The following SPG7 variants were observed in gnomAD, a reference collection of about 807,000 sequenced individuals.
SPG7 encodes SPG7 matrix AAA peptidase subunit, paraplegin.
A neutral mutation model predicts 81.9 loss-of-function variants in SPG7; 103 were observed. The observed-to-expected ratio is 1.26, with a 90% CI of 1.07 to 1.48. The LOEUF (loss-of-function observed/expected upper bound fraction) is 1.48. SPG7 is among the 40% of genes most tolerant of loss of function. SPG7 has a pLI of 0.00. For synonymous variants in SPG7, 534 were observed against 444.2 expected (o/e 1.20, Z -2.54); for missense variants, 1,241 against 1,087.3 (o/e 1.14, Z -1.99).
Position 89,548,124 on chromosome 16 carries a change from C to A in SPG7, c.1663+11C>A. On this transcript the variant is annotated intron_variant, in intron 12 of 16. Coordinates refer to ENST00000645818, the MANE Select transcript of SPG7 (RefSeq NM_003119.4). ...AGCGCGTCCTCGCAGGTACAGGGGG[C>A]GCGCCCTGGGTGAAGGCCCTCCTTA... The A allele has an allele frequency of 6.3e-7, 1 of 1,586,384 alleles. No individual in the cohort carries two copies. The highest frequency in any genetic ancestry group is 8.6e-7 in the Non-Finnish European group (1 of 1,164,976).
Position 89,557,009 on chromosome 16 carries a change from G to A in SPG7, c.2304G>A (p.Arg768=). 6.2e-7 allele frequency: 1 copy of A among 1,613,778 alleles called. No individual in the cohort carries two copies. The change falls in exon 17 of 17, where the codon AGG becomes AGA. Residue 768 remains arginine, a synonymous_variant. Transcript: ENST00000645818. The part of the protein sequence containing the change: ...IAPQRWIDAQ[R]EKQDLGEEET... ...CGCAGAGGTGGATCGACGCCCAGAG[G>A]GAGAAACAGGACTTGGGCGAGGAGG...
intron 12 of SPG7, 58 bp downstream of exon 12, chr16:89,548,171 T>G: frequency 3.3e-6 from 4 of 1,199,758 alleles, no homozygotes; most frequent in African/African-American, 1.5e-5. Context: ...ACCCCAGAAA[T>G]ACCCAGGCAG....
At position 89,547,711 on chromosome 16, in the gene SPG7, C is replaced by T. The variant is rs181353519; in HGVS notation, c.1553-292C>T. 2.0e-3 allele frequency: 811 copies of T among 402,418 alleles called. 1 individual carries two copies. The Middle Eastern group carries it at 0.024, about 12-fold the overall frequency. 24.9% of individuals were successfully genotyped at this position (402,418 alleles called of 1,614,324 possible). A position where few individuals can be genotyped will look rare whatever the true frequency, so the allele number is the denominator to read the frequency against. ...CCCCGCAGCCTCCGCCTCCTGGGTTCAACCGATTTTCCTGCCTCAGCCTCC... is the reference window on the plus strand; with the variant it reads ...CCCCGCAGCCTCCGCCTCCTGGGTTTAACCGATTTTCCTGCCTCAGCCTCC... On this transcript the variant is annotated intron_variant, in intron 11 of 16. Coordinates refer to ENST00000645818, the MANE Select transcript of SPG7 (RefSeq NM_003119.4).
chr16:89,549,083 C>G (rs2058602806), intron 12 of SPG7: 1 of 456,324 alleles, frequency 2.2e-6, no homozygotes, highest in Non-Finnish European at 4.4e-6. Flanking sequence ...TCCGACAGCC[C>G]TGCGGGTCGA....
chr16:89,522,556 GGTCCGTGGCGCTGT>G (rs1438818010), intron 3 of SPG7: 1 of 152,276 alleles, frequency 6.6e-6, no homozygotes, highest in African/African-American at 2.4e-5. Context: ...CCCGCCGCTG[GGTCCGTGGCGCTGT>G]GTCCGCAGGC....
intron 13 of SPG7, chr16:89,551,087 A>T (rs2058629734): frequency 4.5e-6 from 1 of 224,002 alleles, no homozygotes; most frequent in Non-Finnish European, 9.2e-6. Flanking sequence ...ACAAAAAACT[A>T]CTCTTGTAGG....
At chr16:89,519,380 T>A (rs529692538) in intron 3 of SPG7, 69 of 149,730 alleles carry the variant, frequency 4.6e-4, no homozygotes, top group Middle Eastern at 3.4e-3. Context: ...GTTGCTAACA[T>A]TTTTTTTTTC....
intron 4 of SPG7, among the ~76,000 whole-genome samples, chr16:89,526,128 T>G (rs1287110562): frequency 6.6e-6 from 1 of 152,194 alleles, no homozygotes; most frequent in Non-Finnish European, 1.5e-5. Context: ...AGTGTGCATA[T>G]TGCTTTTACA....
chr16:89,536,731 G>T (rs370406893), intron 9 of SPG7: 5 of 1,612,480 alleles, frequency 3.1e-6, no homozygotes, highest in Non-Finnish European at 4.2e-6. Flanking sequence ...CAAGGTCTTC[G>T]TCCTGTGAGT....
intron 2 of SPG7, among the ~76,000 whole-genome samples, chr16:89,511,037 C>G (rs144499211): frequency 6.6e-6 from 1 of 152,212 alleles, no homozygotes; most frequent in East Asian, 1.9e-4. Context: ...GGGGTTTTGC[C>G]ACGTTTCCCA....
intron 4 of SPG7, 109 bp downstream of exon 4, chr16:89,524,356 GC>G (rs1251987766): frequency 7.6e-7 from 1 of 1,315,312 alleles, no homozygotes; most frequent in African/African-American, 1.5e-5. Flanking sequence ...GCTGGCTGTT[GC>G]CATCCTTTTG....
rs371803898 is a variant in SPG7, at chr16:89,527,994, C to G, written c.759-1483C>G. On this transcript the variant is annotated intron_variant, in intron 5 of 16. Coordinates refer to ENST00000645818, the MANE Select transcript of SPG7 (RefSeq NM_003119.4). The stretch of plus-strand genomic sequence containing the variant: ...CAGCAACACCTGGAAGATCACTGCT[C>G]TGAGGCTGTGTGTCTCATGTCTTTG... 9.1e-4 allele frequency among the ~76,000 whole-genome samples: 138 copies of G among 152,134 alleles called. 1 individual carries two copies. The highest frequency in any genetic ancestry group is 2.0e-3 in the Admixed American group (30 of 15,274).
At chr16:89,522,002 C>G (rs2058193880) in intron 3 of SPG7, 1 of 152,048 alleles carries the variant, frequency 6.6e-6, no homozygotes, top group Non-Finnish European at 1.5e-5. Context: ...CCAGTGCACC[C>G]CATGTTTCTA....
intron 10 of SPG7, chr16:89,545,886 G>A (rs1364441579): frequency 9.1e-6 from 4 of 441,092 alleles, no homozygotes; most frequent in Non-Finnish European, 9.0e-6. Flanking sequence ...AGGGTGTTGC[G>A]CTGTCACCCA....
In SPG7 at chr16:89,508,614, G is replaced by C; in HGVS notation, c.183+14G>C. 6.9e-7 allele frequency: 1 copy of C among 1,448,522 alleles called. No homozygotes were observed. The highest frequency in any genetic ancestry group is 1.4e-5 in the South Asian group (1 of 72,082). The allele number at this position is 1,448,522 out of a possible 1,614,324, so 89.7% of individuals were successfully genotyped here. ...CGAGCTCTGCAGGTAAATCCCCGCG[G>C]AGTCCGGGCCCCACCTCCCGCCCGG... On this transcript the variant is annotated intron_variant, in intron 1 of 16. Transcript: ENST00000645818.
intron 3 of SPG7, among the ~76,000 whole-genome samples, chr16:89,516,326 G>C (rs1597610064): frequency 1.3e-5 from 2 of 151,856 alleles, no homozygotes; most frequent in Non-Finnish European, 2.9e-5. Flanking sequence ...TAGATCACTT[G>C]GGGCCAGGAG....
Position 89,510,617 on chromosome 16 carries a change from C to G in SPG7, c.286+25C>G, listed in dbSNP as rs368773996. 1.6e-4 allele frequency: 218 copies of G among 1,343,718 alleles called. 1 individual carries two copies. Among genetic ancestry groups the G allele is most frequent in the Non-Finnish European group, 2.1e-4 (195 of 933,382 alleles). The allele number at this position is 1,343,718 out of a possible 1,614,324, so 83.2% of individuals were successfully genotyped here. On this transcript the variant is annotated intron_variant, in intron 2 of 16. Coordinates refer to ENST00000645818, the MANE Select transcript of SPG7 (RefSeq NM_003119.4). ...GGTATGTATCTGTTTAAAGAAGCAG[C>G]TGAGCATGACTGCACACTTACCGCC...
chr16:89,540,455 G>T (rs2152407422), intron 9 of SPG7: 1 of 152,238 alleles, frequency 6.6e-6, no homozygotes, highest in African/African-American at 2.4e-5. Flanking sequence ...CAGTGGTGGT[G>T]CGCACCTGTA....
At chr16:89,553,638 G>T in intron 14 of SPG7, 156 bp from the exon 15 acceptor site, 2 of 677,560 alleles carry the variant, frequency 3.0e-6, no homozygotes, top group Non-Finnish European at 5.2e-6. Context: ...CAGTGGTGAG[G>T]TGCCAACGTC....
Sources: gnomAD v4.1 joint callset for allele counts (sites outside exome capture counted in the v4.1 genomes callset) on GRCh38, gnomAD v4.1.1 for gene constraint, MANE v1.5 for transcripts, NCBI Gene and HGNC (gene_info 2026-07-23, HGNC 2026-07-21) for gene names.